IL10RB: variants seen among roughly 807,000 people sequenced by gnomAD.
IL10RB encodes the protein interleukin-10 receptor subunit beta.
In IL10RB, 30 loss-of-function variants were observed where a neutral mutation model predicts 38.7. The observed-to-expected ratio is 0.78, with a 90% CI of 0.58 to 1.05. The LOEUF (loss-of-function observed/expected upper bound fraction) is 1.05. Among genes scored for constraint, IL10RB ranks in the 50% least tolerant of loss-of-function variants. The probability of loss-of-function intolerance (pLI) is 0.00; values close to 1 mark genes in which losing one functional copy is unlikely to be tolerated. For synonymous variants in IL10RB, 142 were observed against 145.9 expected (o/e 0.97, Z 0.19); for missense variants, 328 against 397.1 (o/e 0.83, Z 1.48).
At chr21:33,308,437 A>G (rs1235159344) in intron 1 of IL10RB, 1 of 152,226 alleles carries the variant, frequency 6.6e-6, no homozygotes, top group Non-Finnish European at 1.5e-5. Flanking sequence ...TCTGAAAAGC[A>G]TGAGATTGCT....
At chr21:33,290,786 G>T (rs1989470557) in intron 6 of IL10RB, among the ~76,000 whole-genome samples, 2 of 152,224 alleles carry the variant, frequency 1.3e-5, no homozygotes, top group African/African-American at 4.8e-5. Context: ...GACCAGGGGG[G>T]TCCCGCCTTC....
At chr21:33,285,159 G>C (rs1479460076) in intron 5 of IL10RB, among the ~76,000 whole-genome samples, 1 of 152,150 alleles carries the variant, frequency 6.6e-6, no homozygotes, top group South Asian at 2.1e-4. Context: ...CCAAAGTGCT[G>C]GGGTTACAGG....
chr21:33,297,637 T>TA (rs2082973330), downstream of IL10RB, among the ~76,000 whole-genome samples: 4 of 151,880 alleles, frequency 2.6e-5, no homozygotes, highest in African/African-American at 7.3e-5. Context: ...GGCAACATGG[T>TA]GAGACCCCTT....
intron 1 of IL10RB, among the ~76,000 whole-genome samples, chr21:33,303,768 G>C (rs1050846316): frequency 6.6e-6 from 1 of 152,218 alleles, no homozygotes; most frequent in African/African-American, 2.4e-5. Flanking sequence ...CAAGAGAAGT[G>C]ACCAGACCTA....
chr21:33,290,723 C>T (rs372381998), intron 6 of IL10RB, among the ~76,000 whole-genome samples: 7 of 152,310 alleles, frequency 4.6e-5, no homozygotes, highest in East Asian at 3.9e-4. Flanking sequence ...TTCAACAGGC[C>T]GCTCCGTCCT....
Position 33,296,620 on chromosome 21 carries a change from C to G in IL10RB, c.*263C>G. On this transcript the variant is annotated 3_prime_UTR_variant, in exon 7 of 7. Transcript: ENST00000290200. The stretch of plus-strand genomic sequence containing the variant: ...TGGCCACTGAGAGTGTAATTTTCAG[C>G]CTTTTATATCACTAAAATAAGATCA... The G allele has an allele frequency of 1.7e-6, 1 of 605,008 alleles. No homozygotes were observed. The highest frequency in any genetic ancestry group is 3.5e-5 in the East Asian group (1 of 28,220). 37.5% of individuals were successfully genotyped at this position (605,008 alleles called of 1,614,324 possible).
At chr21:33,268,550 C>A (rs761631738) in intron 2 of IL10RB, 33 bp downstream of exon 2, 14 of 1,479,126 alleles carry the variant, frequency 9.5e-6, no homozygotes, top group Non-Finnish European at 1.1e-5. Flanking sequence ...CAGGAACGCA[C>A]CGGAGGAGCC....
chr21:33,268,667 G>A (rs1989019425), intron 2 of IL10RB, 150 bp downstream of exon 2: 2 of 709,524 alleles, frequency 2.8e-6, no homozygotes, highest in South Asian at 1.5e-5. Flanking sequence ...GCCTTTTGCT[G>A]TCTGGGAAAT....
At chr21:33,283,340 G>A in intron 5 of IL10RB, 99 bp downstream of exon 5, 2 of 1,229,904 alleles carry the variant, frequency 1.6e-6, no homozygotes, top group African/African-American at 1.5e-5. Context: ...GCTCAGTTCA[G>A]AAATCTATCG....
At chr21:33,294,197 C>T (rs776793878) in intron 6 of IL10RB, 44 of 359,758 alleles carry the variant, frequency 1.2e-4, no homozygotes, top group African/African-American at 6.9e-4. Context: ...CGGAGCAGTT[C>T]GAGGTCCTCA....
intron 6 of IL10RB, among the ~76,000 whole-genome samples, chr21:33,289,544 C>T (rs912424846): frequency 2.6e-5 from 4 of 152,192 alleles, no homozygotes; most frequent in Non-Finnish European, 2.9e-5. Flanking sequence ...ACTGAGCCTC[C>T]GGTCCCCAAG....
intron 1 of IL10RB, among the ~76,000 whole-genome samples, chr21:33,303,075 A>G (rs189317613): frequency 1.4e-4 from 22 of 152,294 alleles, no homozygotes; most frequent in Non-Finnish European, 2.2e-4. Context: ...AGGCACCTCA[A>G]CTAAGGCCTC....
intron 1 of IL10RB, among the ~76,000 whole-genome samples, chr21:33,307,533 C>T (rs2083001733): frequency 4.6e-5 from 7 of 152,180 alleles, no homozygotes; most frequent in Admixed American, 4.6e-4. Context: ...CTGAATTTGT[C>T]TTCCTTGTTC....
chr21:33,299,472 C>A (rs1376986540), downstream of IL10RB, among the ~76,000 whole-genome samples: 1 of 152,228 alleles, frequency 6.6e-6, no homozygotes, highest in Non-Finnish European at 1.5e-5. Context: ...CATCCTCACC[C>A]CCTTCCACCC....
intron 2 of IL10RB, among the ~76,000 whole-genome samples, chr21:33,271,304 G>T (rs776756290): frequency 2.0e-5 from 3 of 152,190 alleles, no homozygotes; most frequent in Non-Finnish European, 2.9e-5. Context: ...GGCGTCCAGA[G>T]CCGGGGGCAC....
chr21:33,289,440 G>T (rs1010526453), intron 6 of IL10RB, among the ~76,000 whole-genome samples: 4 of 104 alleles, frequency 0.038, no homozygotes, highest in African/African-American at 0.083. Flanking sequence ...TCCTTCCTCC[G>T]CTGCCCTGAG....
chr21:33,306,729 G>T (rs916756868), intron 1 of IL10RB, among the ~76,000 whole-genome samples: 6 of 151,988 alleles, frequency 3.9e-5, no homozygotes, highest in African/African-American at 1.2e-4. Flanking sequence ...TAGAGATGGG[G>T]TCTCACTTTG....
chr21:33,291,962 A>T lies in IL10RB; in HGVS notation c.804+3701A>T, dbSNP rs775450038. On this transcript the variant is annotated intron_variant, in intron 6 of 6. Transcript: ENST00000290200. ...CTGCTGTGTTCATGAGCCCTGTGCC[A>T]TGTACAGGTGACCAGTGGCAGAGGC... Among the ~76,000 whole-genome samples the T allele has an allele frequency of 5.3e-4, 81 of 152,222 alleles. No homozygotes were observed. In the Middle Eastern group the frequency reaches 0.01, roughly 19 times the overall value.
At chr21:33,268,102 T>C (rs1989006557) in intron 1 of IL10RB, 1 of 666,184 alleles carries the variant, frequency 1.5e-6, no homozygotes, top group African/African-American at 1.8e-5. Context: ...TCTGGAAATA[T>C]ATCTGAAATC....
Sources: gnomAD v4.1 joint callset for allele counts (sites outside exome capture counted in the v4.1 genomes callset) on GRCh38, gnomAD v4.1.1 for gene constraint, MANE v1.5 for transcripts, NCBI Gene and HGNC (gene_info 2026-07-23, HGNC 2026-07-21) for gene names.